Variants in GPC5 observed in about 807,000 individuals in gnomAD.
GPC5 encodes the protein glypican 5.
GPC5 carries 47 observed loss-of-function variants against 53.9 expected under a neutral mutation model. That is an observed-to-expected ratio of 0.87 (90% CI 0.69 to 1.11). GPC5 has a LOEUF of 1.11. Among genes scored for constraint, GPC5 ranks in the 50% most tolerant of loss-of-function variants. The pLI, the probability that GPC5 is intolerant of heterozygous loss-of-function variation, is 0.00. For missense variants in GPC5, 748 were observed against 713.1 expected (o/e 1.05, Z -0.56); for synonymous variants, 286 against 263.3 (o/e 1.09, Z -0.84).
At chr13:91,919,857 A>G (rs1485486697) in intron 6 of GPC5, among the ~76,000 whole-genome samples, 2 of 152,196 alleles carry the variant, frequency 1.3e-5, no homozygotes, top group Non-Finnish European at 2.9e-5. Context: ...CTATTTTCGG[A>G]ATGCTGGCAT....
chr13:91,558,652 G>A (rs1489532583), intron 2 of GPC5, among the ~76,000 whole-genome samples: 2 of 152,112 alleles, frequency 1.3e-5, no homozygotes, highest in Non-Finnish European at 2.9e-5. Flanking sequence ...ATTGCAAGTA[G>A]CTTCCTAAAG....
intron 7 of GPC5, among the ~76,000 whole-genome samples, chr13:92,644,950 T>C (rs1035669268): frequency 2.6e-5 from 4 of 152,182 alleles, no homozygotes; most frequent in African/African-American, 9.6e-5. Flanking sequence ...GTTGGACTTA[T>C]GACTCAGTCA....
chr13:91,772,175 T>A (rs2037636615), intron 5 of GPC5, among the ~76,000 whole-genome samples: 1 of 152,218 alleles, frequency 6.6e-6, no homozygotes. Flanking sequence ...CTTCCCTATT[T>A]ATTTTATTGT....
At chr13:91,879,218 TG>T (rs1355743011) in intron 5 of GPC5, among the ~76,000 whole-genome samples, 1 of 152,160 alleles carries the variant, frequency 6.6e-6, no homozygotes, top group African/African-American at 2.4e-5. Context: ...TACAGTACCA[TG>T]GTGGTTTCTT....
At chr13:91,699,423 ATATTT>A (rs1342564115) in intron 3 of GPC5, among the ~76,000 whole-genome samples, 1 of 152,222 alleles carries the variant, frequency 6.6e-6, no homozygotes, top group African/African-American at 2.4e-5. Flanking sequence ...GCAATTTTAG[ATATTT>A]TAATTTTAGA....
intron 6 of GPC5, among the ~76,000 whole-genome samples, chr13:91,967,163 A>G (rs1453783971): frequency 1.3e-5 from 2 of 152,132 alleles, no homozygotes; most frequent in Non-Finnish European, 2.9e-5. Context: ...AGAGAGAACC[A>G]AGTGAAAGGG....
intron 7 of GPC5, among the ~76,000 whole-genome samples, chr13:92,479,709 A>G (rs2139431474): frequency 6.6e-6 from 1 of 152,310 alleles, no homozygotes; most frequent in African/African-American, 2.4e-5. Context: ...AATCCTCCAA[A>G]ATAAATAAAT....
chr13:91,502,174 A>T (rs1484713029), intron 2 of GPC5, among the ~76,000 whole-genome samples: 1 of 151,598 alleles, frequency 6.6e-6, no homozygotes, highest in African/African-American at 2.4e-5. Flanking sequence ...GATTGCAAAA[A>T]TTTTCTCCCA....
intron 6 of GPC5, among the ~76,000 whole-genome samples, chr13:92,127,430 A>G (rs575906370): frequency 2.0e-5 from 3 of 152,288 alleles, no homozygotes; most frequent in Non-Finnish European, 2.9e-5. Context: ...AAAAAAATCC[A>G]ATGATTTAAA....
intron 7 of GPC5, among the ~76,000 whole-genome samples, chr13:92,171,352 T>C (rs955310130): frequency 6.6e-6 from 1 of 152,098 alleles, no homozygotes; most frequent in Non-Finnish European, 1.5e-5. Flanking sequence ...CTTCTCTTTT[T>C]GAAAAGTCAA....
intron 7 of GPC5, among the ~76,000 whole-genome samples, chr13:92,217,200 C>A (rs1470931875): frequency 6.6e-6 from 1 of 152,100 alleles, no homozygotes; most frequent in Non-Finnish European, 1.5e-5. Flanking sequence ...CTAGTTTACG[C>A]CACTCATATT....
At chr13:91,567,680 A>G (rs1016645422) in intron 2 of GPC5, among the ~76,000 whole-genome samples, 1 of 152,160 alleles carries the variant, frequency 6.6e-6, no homozygotes, top group Non-Finnish European at 1.5e-5. Context: ...TACAGACTTT[A>G]GTTGTTTGTC....
chr13:92,287,054 G>T (rs1401943255), intron 7 of GPC5, among the ~76,000 whole-genome samples: 1 of 152,120 alleles, frequency 6.6e-6, no homozygotes. Context: ...CTACAGAGAA[G>T]ATAATTTTTT....
At chr13:92,394,794 C>T (rs1428706173) in intron 7 of GPC5, among the ~76,000 whole-genome samples, 2 of 152,060 alleles carry the variant, frequency 1.3e-5, no homozygotes, top group Non-Finnish European at 2.9e-5. Flanking sequence ...TCTTTATATA[C>T]TTCTACAATA....
intron 7 of GPC5, among the ~76,000 whole-genome samples, chr13:92,656,026 A>C (rs1160896438): frequency 6.6e-6 from 1 of 152,218 alleles, no homozygotes; most frequent in Non-Finnish European, 1.5e-5. Flanking sequence ...ACTGTAATAT[A>C]CAATGAAATA....
chr13:91,580,898 T>C (rs2032336809), intron 2 of GPC5, among the ~76,000 whole-genome samples: 2 of 152,222 alleles, frequency 1.3e-5, no homozygotes, highest in Admixed American at 6.5e-5. Flanking sequence ...AGGAAAGAAG[T>C]TTAATTGGTT....
chr13:92,279,545 T>C (rs2042898496), intron 7 of GPC5, among the ~76,000 whole-genome samples: 1 of 152,046 alleles, frequency 6.6e-6, no homozygotes, highest in Admixed American at 6.5e-5. Context: ...TCTCTGTCTT[T>C]TGTCTTGTTC....
chr13:91,573,882 A>G (rs567944675), intron 2 of GPC5, among the ~76,000 whole-genome samples: 9 of 152,220 alleles, frequency 5.9e-5, no homozygotes, highest in Admixed American at 5.9e-4. Context: ...TCGTATATAT[A>G]TGTATATGTA....
chr13:92,863,611 G>A (rs552862999), intron 7 of GPC5, among the ~76,000 whole-genome samples: 2 of 151,992 alleles, frequency 1.3e-5, no homozygotes, highest in South Asian at 2.1e-4. Flanking sequence ...CTCCTGCCTC[G>A]GCTTCCCAAG....
Sources: gnomAD v4.1 joint callset for allele counts (sites outside exome capture counted in the v4.1 genomes callset) on GRCh38, gnomAD v4.1.1 for gene constraint, MANE v1.5 for transcripts, NCBI Gene and HGNC (gene_info 2026-07-23, HGNC 2026-07-21) for gene names.